Variants in LRRIQ1 observed in about 807,000 individuals in gnomAD.
LRRIQ1 encodes leucine-rich repeat- and IQ domain-containing protein 1.
A neutral mutation model predicts 211.9 loss-of-function variants in LRRIQ1; 210 were observed. That is an observed-to-expected ratio of 0.99 (90% CI 0.89 to 1.11). LRRIQ1 has a LOEUF of 1.11. Among genes scored for constraint, LRRIQ1 ranks in the 50% most tolerant of loss-of-function variants. LRRIQ1 has a pLI of 0.00. For missense variants in LRRIQ1, 2,136 were observed against 1,939.5 expected (o/e 1.10, Z -1.90); for synonymous variants, 699 against 650.1 (o/e 1.08, Z -1.14).
rs1379329809 is a variant in LRRIQ1 at position 85,121,868 on chromosome 12, T to A, written c.3549T>A (p.Thr1183=). 1 of 1,601,228 alleles carries A rather than the reference T, an allele frequency of 6.2e-7. No individual in the cohort carries two copies. The highest frequency in any genetic ancestry group is 8.5e-7 in the Non-Finnish European group (1 of 1,174,296). Residue 1183 remains threonine, a synonymous_variant, in exon 16 of 27, where the codon ACT becomes ACA. Coordinates refer to ENST00000393217, the MANE Select transcript of LRRIQ1 (RefSeq NM_001079910.2). ...ACTTGCTAATTGAAAATTATATAAC[T>A]GGAAAAGGGTAAGATTGTGATCTTC... is the stretch of plus-strand genomic sequence containing the variant. ...EFNLLIENYI[T]GKGDVFTLDT... is the part of the protein sequence containing the mutation.
intron 24 of LRRIQ1, among the ~76,000 whole-genome samples, chr12:85,174,656 C>T (rs1201180163): frequency 1.5e-5 from 2 of 130,722 alleles, no homozygotes; most frequent in African/African-American, 6.0e-5. Context: ...GAACCAAGAT[C>T]ACGCCACTGT....
chr12:85,044,376 CAGAT>C (rs1879272601), intron 3 of LRRIQ1, among the ~76,000 whole-genome samples: 1 of 151,854 alleles, frequency 6.6e-6, no homozygotes, highest in Admixed American at 6.6e-5. Context: ...TGGTTTGTGG[CAGAT>C]AGAGTTGAAT....
chr12:85,262,563 T>C (rs1054884889), intron 1 of LRRIQ1, among the ~76,000 whole-genome samples: 2 of 152,054 alleles, frequency 1.3e-5, no homozygotes, highest in African/African-American at 4.8e-5. Flanking sequence ...ATTATAGCAA[T>C]TTAAACTATG....
chr12:85,195,681 T>C (rs1345285686), intron 24 of LRRIQ1, among the ~76,000 whole-genome samples: 2 of 151,414 alleles, frequency 1.3e-5, no homozygotes, highest in East Asian at 3.9e-4. Context: ...TATTTCAAAA[T>C]AATAAGAGCT....
rs554121547 is a variant in LRRIQ1 at position 85,240,649 on chromosome 12, G to C, written c.5017-4140G>C. Among the ~76,000 whole-genome samples, 3 of 152,198 alleles carry C rather than the reference G, an allele frequency of 2.0e-5. No homozygotes were observed. In the South Asian group the frequency reaches 6.2e-4, roughly 32 times the overall value. Reference sequence around the variant, plus strand: ...AAAGAAATGATGGTACATACATACAGTGGATATACAACACACAATTAAAAA... The same window carrying C: ...AAAGAAATGATGGTACATACATACACTGGATATACAACACACAATTAAAAA... On this transcript the variant is annotated intron_variant, in intron 26 of 26. Coordinates refer to ENST00000393217, the MANE Select transcript of LRRIQ1 (RefSeq NM_001079910.2).
At position 85,065,319 on chromosome 12, in the gene LRRIQ1, T is replaced by A; in HGVS notation, c.2449T>A (p.Cys817Ser). The change falls in exon 9 of 27, where the codon TGT becomes AGT. Residue 817 changes from cysteine to serine, a missense_variant. Coordinates refer to ENST00000393217, the MANE Select transcript of LRRIQ1 (RefSeq NM_001079910.2). ...CTGTGTTCTCTCCACACTGGCAGAG[T>A]GTACAAATCTTCAGTTTCTATCCCT... ...PGCVLSTLAECTNLQFLSLRR... is the reference protein window; with the variant it reads ...PGCVLSTLAESTNLQFLSLRR... 6.2e-7 allele frequency: 1 copy of A among 1,610,998 alleles called. No homozygotes were observed. Among genetic ancestry groups the A allele is most frequent in the Middle Eastern group, 1.7e-4 (1 of 6,006 alleles).
downstream of LRRIQ1, among the ~76,000 whole-genome samples, chr12:85,267,995 A>G (rs918821783): frequency 6.6e-6 from 1 of 151,996 alleles, no homozygotes; most frequent in Non-Finnish European, 1.5e-5. Context: ...CTTGATTTTC[A>G]TAAACATTCA....
At chr12:85,085,596 T>C (rs1884735723) in intron 11 of LRRIQ1, among the ~76,000 whole-genome samples, 1 of 152,206 alleles carries the variant, frequency 6.6e-6, no homozygotes, top group Non-Finnish European at 1.5e-5. Flanking sequence ...CTTCACTCTC[T>C]CCCCTCTGGT....
intron 22 of LRRIQ1, 39 bp from the exon 23 acceptor site, chr12:85,153,973 G>T (rs1422786968): frequency 1.5e-6 from 2 of 1,316,434 alleles, no homozygotes; most frequent in Admixed American, 2.4e-5. Context: ...TATGATCCGG[G>T]TATTTGTTTT....
intron 15 of LRRIQ1, among the ~76,000 whole-genome samples, chr12:85,111,868 G>T (rs1399232498): frequency 6.6e-6 from 1 of 151,800 alleles, no homozygotes; most frequent in African/African-American, 2.4e-5. Context: ...TTATTGTACA[G>T]ATTCTTCCAG....
intron 18 of LRRIQ1, among the ~76,000 whole-genome samples, chr12:85,131,508 G>A (rs1888760869): frequency 6.6e-6 from 1 of 152,096 alleles, no homozygotes; most frequent in East Asian, 1.9e-4. Context: ...GTAATAGTAG[G>A]ACTCAATGTA....
At chr12:85,127,299 G>A (rs1888435248) in intron 17 of LRRIQ1, among the ~76,000 whole-genome samples, 1 of 152,220 alleles carries the variant, frequency 6.6e-6, no homozygotes, top group African/African-American at 2.4e-5. Context: ...AAAATGTTAA[G>A]TATTTACTAC....
intron 24 of LRRIQ1, among the ~76,000 whole-genome samples, chr12:85,217,324 A>G (rs1278215133): frequency 6.6e-6 from 1 of 150,776 alleles, no homozygotes; most frequent in Non-Finnish European, 1.5e-5. Context: ...TCATACACTT[A>G]TTGGTTTCTT....
intron 10 of LRRIQ1, among the ~76,000 whole-genome samples, chr12:85,070,852 A>G (rs1883005009): frequency 6.6e-6 from 1 of 151,966 alleles, no homozygotes; most frequent in Non-Finnish European, 1.5e-5. Flanking sequence ...CTTCAAAACA[A>G]CAATGCCACT....
chr12:85,248,497 T>G (rs556641011), downstream of LRRIQ1, among the ~76,000 whole-genome samples: 18 of 151,830 alleles, frequency 1.2e-4, 2 homozygotes, highest in South Asian at 3.7e-3. Context: ...TTCAGGTGTC[T>G]CCTTCTGATT....
At chr12:85,131,076 C>A (rs1241257995) in intron 18 of LRRIQ1, among the ~76,000 whole-genome samples, 1 of 150,406 alleles carries the variant, frequency 6.6e-6, no homozygotes, top group Non-Finnish European at 1.5e-5. Context: ...ATTAGCCAGG[C>A]ATGGTGGCAG....
In LRRIQ1 at chr12:85,052,233, G is replaced by T; in HGVS notation, c.735G>T (p.Glu245Asp). 6.4e-7 allele frequency: 1 copy of T among 1,551,024 alleles called. No homozygotes were observed. Residue 245 changes from glutamate (E) to aspartate (D), a missense_variant, in exon 7 of 27, where the codon GAG (glutamate) becomes GAT (aspartate). Coordinates refer to ENST00000393217, the MANE Select transcript of LRRIQ1 (RefSeq NM_001079910.2). ...ATAAAGAAGAGAAAATTTGGAAAGA[G>T]AAATTTAAACAGCATGAGGTATCTA... ...ELYKEEKIWK[E>D]KFKQHEEYIR...
At chr12:85,090,515 A>G (rs968933076) in intron 11 of LRRIQ1, among the ~76,000 whole-genome samples, 1 of 152,102 alleles carries the variant, frequency 6.6e-6, no homozygotes, top group African/African-American at 2.4e-5. Flanking sequence ...TGGAAGTCCA[A>G]CCCTTACAGC....
chr12:85,040,738 T>C (rs376173121), intron 3 of LRRIQ1, 137 bp downstream of exon 3: 3 of 460,874 alleles, frequency 6.5e-6, no homozygotes, highest in African/African-American at 6.0e-5. Flanking sequence ...TTCTAATATA[T>C]CTACAGTATA....
Sources: allele counts gnomAD v4.1 joint callset (sites outside exome capture counted in the v4.1 genomes callset), GRCh38; gene constraint gnomAD v4.1.1; transcripts MANE v1.5; gene names NCBI Gene and HGNC (gene_info 2026-07-23, HGNC 2026-07-21).